SEC24D: variants seen among roughly 807,000 people sequenced by gnomAD.
SEC24D encodes protein transport protein Sec24D.
SEC24D carries 69 observed loss-of-function variants against 116.9 expected under a neutral mutation model. That is an observed-to-expected ratio of 0.59 (90% CI 0.49 to 0.72). The LOEUF is 0.72. SEC24D is among the 30% of genes least tolerant of loss of function. The pLI, the probability that SEC24D is intolerant of heterozygous loss-of-function variation, is 0.00. For missense variants in SEC24D, 1,131 were observed against 1,264.1 expected (o/e 0.89, Z 1.60); for synonymous variants, 405 against 442.8 (o/e 0.91, Z 1.07).
rs751549937 is a variant in SEC24D, at chr4:118,738,239, C to G, written c.2496+22G>C. ...GTAGTCGTTTGTAACACTTTAACATCTATGTGCAATAGGTAGCTCACCTGG... is the reference window on the plus strand; with the variant it reads ...GTAGTCGTTTGTAACACTTTAACATGTATGTGCAATAGGTAGCTCACCTGG... On this transcript the variant is annotated intron_variant, in intron 19 of 22. Coordinates refer to ENST00000280551, the MANE Select transcript of SEC24D (RefSeq NM_014822.4). The G allele has an allele frequency of 3.4e-6, 5 of 1,477,594 alleles. No individual in the cohort carries two copies. The African/African-American group carries it at 7.0e-5, about 21-fold the overall frequency. The allele number at this position is 1,477,594 out of a possible 1,614,324, so 91.5% of individuals were successfully genotyped here.
At chr4:118,801,458 CA>C (rs1335879229) in intron 7 of SEC24D, among the ~76,000 whole-genome samples, 3 of 152,032 alleles carry the variant, frequency 2.0e-5, no homozygotes, top group Non-Finnish European at 4.4e-5. Context: ...AGCAGGAATA[CA>C]AGTAAAGGAA....
chr4:118,724,005 T>C (rs1255850542), intron 22 of SEC24D, among the ~76,000 whole-genome samples: 1 of 152,222 alleles, frequency 6.6e-6, no homozygotes, highest in African/African-American at 2.4e-5. Context: ...GATACAATTA[T>C]GGCTGGCATG....
At chr4:118,819,632 A>G (rs1004424898) in intron 3 of SEC24D, among the ~76,000 whole-genome samples, 6 of 152,236 alleles carry the variant, frequency 3.9e-5, no homozygotes, top group Admixed American at 2.0e-4. Context: ...CATGGATGCA[A>G]TGAGGTATGG....
chr4:118,741,158 T>A (rs1014802388), intron 15 of SEC24D, 121 bp from the exon 16 acceptor site: 4 of 528,270 alleles, frequency 7.6e-6, no homozygotes, highest in South Asian at 7.6e-5. Flanking sequence ...CATATTTTTT[T>A]ATTATATATT....
At chr4:118,793,901 T>C (rs1464615929) in intron 8 of SEC24D, among the ~76,000 whole-genome samples, 1 of 152,188 alleles carries the variant, frequency 6.6e-6, no homozygotes, top group African/African-American at 2.4e-5. Context: ...TACATTTACA[T>C]AGTCAGTATT....
chr4:118,748,182 C>T (rs899333326), intron 13 of SEC24D, among the ~76,000 whole-genome samples: 2 of 152,048 alleles, frequency 1.3e-5, no homozygotes, highest in Non-Finnish European at 2.9e-5. Context: ...AGGAGCATCA[C>T]TTGAACCTAG....
At chr4:118,800,925 C>T (rs1729405370) in intron 7 of SEC24D, among the ~76,000 whole-genome samples, 1 of 151,988 alleles carries the variant, frequency 6.6e-6, no homozygotes, top group Admixed American at 6.6e-5. Context: ...GAGTTGAGAC[C>T]AACCCTGTCT....
At chr4:118,816,265 T>C (rs970941109) in intron 4 of SEC24D, among the ~76,000 whole-genome samples, 1 of 152,080 alleles carries the variant, frequency 6.6e-6, no homozygotes, top group Non-Finnish European at 1.5e-5. Context: ...ACATTTATAA[T>C]TTAAGTAAGG....
intron 10 of SEC24D, among the ~76,000 whole-genome samples, chr4:118,761,945 T>C (rs1409815032): frequency 6.6e-6 from 1 of 152,224 alleles, no homozygotes; most frequent in African/African-American, 2.4e-5. Context: ...AGACATTTCT[T>C]ATCAGGTCTA....
At position 118,824,681 on chromosome 4, in the gene SEC24D, G is replaced by A; in HGVS notation, c.187C>T (p.Pro63Ser). ...TGACCAAACTGATGGGGTCCAGGAG[G>A]TGGGGGACCCGGAGGCAACATTCCC... ...TRGMLPPGPP[P>S]PGPHQFGQNG... is the part of the protein sequence containing the mutation. Residue 63 changes from proline (P) to serine (S), a missense_variant, in exon 3 of 23, where the codon CCT (proline) becomes TCT (serine). Coordinates refer to ENST00000280551, the MANE Select transcript of SEC24D (RefSeq NM_014822.4). The A allele has an allele frequency of 1.2e-6, 2 of 1,609,322 alleles. No individual in the cohort carries two copies. Among genetic ancestry groups the A allele is most frequent in the Non-Finnish European group, 1.7e-6 (2 of 1,178,028 alleles).
intron 2 of SEC24D, among the ~76,000 whole-genome samples, chr4:118,828,332 A>G (rs1004590648): frequency 6.6e-6 from 1 of 151,988 alleles, no homozygotes; most frequent in African/African-American, 2.4e-5. Context: ...GGTGGTCTTG[A>G]TCTCCTGACC....
At chr4:118,827,058 GTTTTCT>G (rs1730618925) in intron 2 of SEC24D, among the ~76,000 whole-genome samples, 1 of 152,200 alleles carries the variant, frequency 6.6e-6, no homozygotes, top group Non-Finnish European at 1.5e-5. Context: ...ACAAGCAGGA[GTTTTCT>G]TCATATAGAA....
At chr4:118,800,118 T>C (rs1035385640) in intron 7 of SEC24D, among the ~76,000 whole-genome samples, 1 of 152,040 alleles carries the variant, frequency 6.6e-6, no homozygotes, top group African/African-American at 2.4e-5. Context: ...AGTGGGAGGA[T>C]GCGCTGAGAC....
intron 8 of SEC24D, among the ~76,000 whole-genome samples, chr4:118,790,293 T>C (rs1198525386): frequency 6.6e-6 from 1 of 152,204 alleles, no homozygotes. Context: ...GCTTCTACCA[T>C]CTGGTTTATA....
At chr4:118,774,944 G>T (rs769226126) in intron 8 of SEC24D, among the ~76,000 whole-genome samples, 2 of 152,092 alleles carry the variant, frequency 1.3e-5, no homozygotes, top group African/African-American at 2.4e-5. Flanking sequence ...TCCTTCTCCT[G>T]TTACAATGGA....
intron 8 of SEC24D, among the ~76,000 whole-genome samples, chr4:118,796,445 T>C (rs994172678): frequency 6.6e-6 from 1 of 152,150 alleles, no homozygotes; most frequent in Non-Finnish European, 1.5e-5. Flanking sequence ...TACGAAACCA[T>C]ACCACACGTA....
intron 8 of SEC24D, among the ~76,000 whole-genome samples, chr4:118,789,847 G>A (rs575855233): frequency 6.6e-6 from 1 of 152,218 alleles, no homozygotes; most frequent in African/African-American, 2.4e-5. Flanking sequence ...GCCTCCCAAA[G>A]TGCTGGGATT....
chr4:118,744,160 T>C lies in SEC24D; in HGVS notation c.1825-2A>G. ...ATTTGTTTGGGGCTGGAAAAGTATC[T>C]GGAAAAAAGATGCAAAAAAAAAGAA... On this transcript the variant is annotated splice_acceptor_variant, in intron 14 of 22. Transcript: ENST00000280551. LOFTEE classifies it high-confidence loss of function. The C allele has an allele frequency of 2.6e-6, 4 of 1,531,780 alleles. No homozygotes were observed. The highest frequency in any genetic ancestry group is 3.5e-6 in the Non-Finnish European group (4 of 1,138,888). 94.9% of individuals were successfully genotyped at this position (1,531,780 alleles called of 1,614,324 possible).
At position 118,723,310 on chromosome 4, in the gene SEC24D, G is replaced by T; in HGVS notation, c.*205C>A. ...ATTAGAAACTGTGCAATCAGAAACA[G>T]ATTGTTCCCTTTATGGTACAATTGT... On this transcript the variant is annotated 3_prime_UTR_variant, in exon 23 of 23. Coordinates refer to ENST00000280551, the MANE Select transcript of SEC24D (RefSeq NM_014822.4). 8.4e-6 allele frequency: 4 copies of T among 477,268 alleles called. No individual in the cohort carries two copies. Among genetic ancestry groups the T allele is most frequent in the Non-Finnish European group, 1.5e-5 (4 of 274,344 alleles). 29.6% of individuals were successfully genotyped at this position (477,268 alleles called of 1,614,324 possible).
Sources: allele counts gnomAD v4.1 joint callset (sites outside exome capture counted in the v4.1 genomes callset), GRCh38; gene constraint gnomAD v4.1.1; transcripts MANE v1.5; gene names NCBI Gene and HGNC (gene_info 2026-07-23, HGNC 2026-07-21).